SIPA1L2: variants seen among roughly 807,000 people sequenced by gnomAD.
SIPA1L2 encodes signal-induced proliferation-associated 1-like protein 2.
SIPA1L2 carries 56 observed loss-of-function variants against 163.9 expected under a neutral mutation model. The ratio of observed to expected loss-of-function variants is 0.34; its 90% CI spans 0.28 to 0.43. SIPA1L2 has a LOEUF of 0.43. SIPA1L2 is among the 20% of genes least tolerant of loss of function. The probability of loss-of-function intolerance (pLI) is 1.00; values close to 1 mark genes in which losing one functional copy is unlikely to be tolerated. For missense variants in SIPA1L2, 1,974 were observed against 2,193.5 expected, an observed-to-expected ratio of 0.90 and a Z score of 2.00; for synonymous variants, 877 against 865.7, an observed-to-expected ratio of 1.01 and a Z score of -0.23.
intron 2 of SIPA1L2, among the ~76,000 whole-genome samples, chr1:232,563,060 A>G (rs1189092137): frequency 2.0e-5 from 3 of 152,144 alleles, no homozygotes; most frequent in African/African-American, 4.8e-5. Context: ...CTGAACTGTG[A>G]GGTGGGGGAG....
chr1:232,439,377 C>A lies in SIPA1L2; in HGVS notation c.3762G>T (p.Gly1254=), dbSNP rs1662755181. 6.2e-7 allele frequency: 1 copy of A among 1,614,072 alleles called. No homozygotes were observed. Among genetic ancestry groups the A allele is most frequent in the South Asian group, 1.1e-5 (1 of 91,080 alleles). ...SGDLMDPELL[G]LTYIKGASTD... Reference sequence around the variant, plus strand: ...TGGAGGCCCCTTTGATGTAGGTCAGCCCCAGTAATTCGGGGTCCATCAGGT... The same window carrying A: ...TGGAGGCCCCTTTGATGTAGGTCAGACCCAGTAATTCGGGGTCCATCAGGT... Residue 1254 remains glycine, a synonymous_variant, in exon 15 of 23, where the codon GGG becomes GGT. Transcript: ENST00000674635.
Position 232,428,443 on chromosome 1 carries a change from C to A in SIPA1L2, c.4378G>T (p.Asp1460Tyr). ...CGCCCCTCCTCCACTAAGGGGCTGT[C>A]AGGAAGCATCAATTTCAGAAAATCT... ...KEDFLKLMLP[D>Y]SPLVEEGRRK... is the part of the protein sequence containing the mutation. Residue 1460 changes from aspartate to tyrosine, a missense_variant, in exon 17 of 23, where the codon GAC (aspartate) becomes TAC (tyrosine). Asp to Tyr is a radical substitution (Grantham distance 160). Transcript: ENST00000674635. The A allele has an allele frequency of 6.3e-7, 1 of 1,580,818 alleles. No individual in the cohort carries two copies.
chr1:232,594,720 A>G (rs1661162307), intron 1 of SIPA1L2, among the ~76,000 whole-genome samples: 1 of 152,100 alleles, frequency 6.6e-6, no homozygotes, highest in Admixed American at 6.5e-5. Context: ...AACAACCCTA[A>G]AAAGTCCTAG....
chr1:232,451,413 T>C (rs1663566008), intron 10 of SIPA1L2, among the ~76,000 whole-genome samples: 2 of 152,074 alleles, frequency 1.3e-5, no homozygotes, highest in Admixed American at 1.3e-4. Context: ...ATGTGGAGTG[T>C]CAAACTGGGG....
At chr1:232,452,021 G>A (rs1197976200) in intron 10 of SIPA1L2, among the ~76,000 whole-genome samples, 1 of 150,570 alleles carries the variant, frequency 6.6e-6, no homozygotes, top group African/African-American at 2.4e-5. Flanking sequence ...AGTTAAAAAT[G>A]TGGCATTATC....
intron 1 of SIPA1L2, among the ~76,000 whole-genome samples, chr1:232,622,378 T>G (rs1035544668): frequency 1.4e-4 from 22 of 152,244 alleles, no homozygotes; most frequent in Non-Finnish European, 2.5e-4. Context: ...GATGGGGTTT[T>G]TAAACATCAT....
chr1:232,514,986 C>G lies in SIPA1L2; in HGVS notation c.354G>C (p.Gln118His). 6.2e-7 allele frequency: 1 copy of G among 1,614,206 alleles called. No homozygotes were observed. Among genetic ancestry groups the G allele is most frequent in the Non-Finnish European group, 8.5e-7 (1 of 1,180,030 alleles). Residue 118 changes from glutamine (Q) to histidine (H), a missense_variant, in exon 3 of 23, where the codon CAG becomes CAC. Gln to His is a conservative substitution (Grantham distance 24). This residue lies in a region of SIPA1L2 where 607 missense variants were observed against 624.0 expected (regional missense o/e 0.97). Transcript: ENST00000674635. ...CTTGCTGACCTTCACTCTGGTCACT[C>G]TGCCCATTCTGCAGGACAGAAGTGA... is the stretch of plus-strand genomic sequence containing the variant. ...ESITSVLQNG[Q>H]SDQSEGQQDE...
chr1:232,465,116 G>A lies in SIPA1L2; in HGVS notation c.2544C>T (p.His848=). ...KEKVKPRKDA[H]LFSIGAIMWH... is the part of the protein sequence containing the mutation. ...ACATGATGGCCCCAATGCTAAACAAGTGGGCATCCTTCCTTGGCTTTACCT... is the reference window on the plus strand; with the variant it reads ...ACATGATGGCCCCAATGCTAAACAAATGGGCATCCTTCCTTGGCTTTACCT... The change falls in exon 9 of 23, where the codon CAC becomes CAT. Residue 848 remains histidine, a synonymous_variant. Coordinates refer to ENST00000674635, the MANE Select transcript of SIPA1L2 (RefSeq NM_020808.5). The surrounding 1 kb of genome is among the most constrained non-coding windows in gnomAD (Gnocchi z 4.1). 6.2e-7 allele frequency: 1 copy of A among 1,614,164 alleles called. No individual in the cohort carries two copies. The highest frequency in any genetic ancestry group is 2.2e-5 in the East Asian group (1 of 44,886).
At chr1:232,620,476 C>T (rs1662744560) in intron 1 of SIPA1L2, among the ~76,000 whole-genome samples, 1 of 152,204 alleles carries the variant, frequency 6.6e-6, no homozygotes, top group Non-Finnish European at 1.5e-5. Flanking sequence ...TCTCCTAGGG[C>T]CTTGTTCCTC....
At chr1:232,442,274 G>A (rs1662949007) in intron 12 of SIPA1L2, among the ~76,000 whole-genome samples, 2 of 151,640 alleles carry the variant, frequency 1.3e-5, no homozygotes, top group Admixed American at 6.6e-5. Flanking sequence ...AAAGGGCCGG[G>A]CACGGTGGCT....
At chr1:232,607,615 G>A (rs1010406456) in intron 1 of SIPA1L2, among the ~76,000 whole-genome samples, 1 of 152,066 alleles carries the variant, frequency 6.6e-6, no homozygotes, top group Non-Finnish European at 1.5e-5. Context: ...AACGAAAACT[G>A]TCCCCACTTC....
chr1:232,617,121 A>G (rs34455905), intron 1 of SIPA1L2, among the ~76,000 whole-genome samples: 3,926 of 152,374 alleles, frequency 0.026, 68 homozygotes, highest in South Asian at 0.037. Context: ...AGATAAACAG[A>G]TTTATTTCCA....
chr1:232,620,297 G>A (rs942578832), intron 1 of SIPA1L2, among the ~76,000 whole-genome samples: 1 of 152,194 alleles, frequency 6.6e-6, no homozygotes, highest in Non-Finnish European at 1.5e-5. Context: ...GAAAGCAAGT[G>A]CATATTGCCA....
At position 232,549,082 on chromosome 1, in the gene SIPA1L2, A is replaced by C. The variant is rs1181581943; in HGVS notation, c.-270+25092T>G. Among the ~76,000 whole-genome samples the C allele has an allele frequency of 2.0e-5, 3 of 152,204 alleles. No individual in the cohort carries two copies. The East Asian group carries it at 5.8e-4, about 29-fold the overall frequency. On this transcript the variant is annotated intron_variant, in intron 2 of 22. Coordinates refer to ENST00000674635, the MANE Select transcript of SIPA1L2 (RefSeq NM_020808.5). Reference sequence around the variant, plus strand: ...TCCCCTTACTGGTCAGGATTTGCACACCAAAAGGGACATGGAGCTTTCATG... The same window carrying C: ...TCCCCTTACTGGTCAGGATTTGCACCCCAAAAGGGACATGGAGCTTTCATG...
rs1249442878 is a variant in SIPA1L2, at chr1:232,515,015, T to C, written c.325A>G (p.Ser109Gly). The C allele has an allele frequency of 5.0e-6, 8 of 1,614,164 alleles. No individual in the cohort carries two copies. Among genetic ancestry groups the C allele is most frequent in the Non-Finnish European group, 5.9e-6 (7 of 1,180,024 alleles). Residue 109 changes from serine to glycine, a missense_variant, in exon 3 of 23, where the codon AGC becomes GGC. This residue lies in a region of SIPA1L2 where 607 missense variants were observed against 624.0 expected (regional missense o/e 0.97). Coordinates refer to ENST00000674635, the MANE Select transcript of SIPA1L2 (RefSeq NM_020808.5). ...CCATTCTGCAGGACAGAAGTGATGC[T>C]TTCATAACTGGTCTGAGACCGGCTT... is the stretch of plus-strand genomic sequence containing the variant. ...WESRSQTSYE[S>G]ITSVLQNGQS...
chr1:232,515,531 C>A lies in SIPA1L2; in HGVS notation c.-192G>T. 1 of 577,922 alleles carries A rather than the reference C, an allele frequency of 1.7e-6. No homozygotes were observed. The highest frequency in any genetic ancestry group is 2.9e-6 in the Non-Finnish European group (1 of 340,374). The allele number at this position is 577,922 out of a possible 1,614,324, so 35.8% of individuals were successfully genotyped here. Reference sequence around the variant, plus strand: ...CAAAGCCAACTTGCTTCTCTGTTGTCGTAATAATGTTGTACGCCTCTGTTC... The same window carrying A: ...CAAAGCCAACTTGCTTCTCTGTTGTAGTAATAATGTTGTACGCCTCTGTTC... On this transcript the variant is annotated 5_prime_UTR_variant, in exon 3 of 23. Transcript: ENST00000674635.
intron 1 of SIPA1L2, among the ~76,000 whole-genome samples, chr1:232,605,209 T>C (rs1375813950): frequency 6.6e-6 from 1 of 152,120 alleles, no homozygotes; most frequent in African/African-American, 2.4e-5. Context: ...AGACGGGGTT[T>C]CTCCATGTTG....
chr1:232,400,681 T>C (rs1660285586), intron 22 of SIPA1L2, among the ~76,000 whole-genome samples: 1 of 152,136 alleles, frequency 6.6e-6, no homozygotes, highest in Non-Finnish European at 1.5e-5. Context: ...GGTTTGCTCT[T>C]TTCTCCCCAT....
At chr1:232,503,581 C>T (rs1454512012) in intron 3 of SIPA1L2, among the ~76,000 whole-genome samples, 1 of 152,220 alleles carries the variant, frequency 6.6e-6, no homozygotes, top group Non-Finnish European at 1.5e-5. Context: ...TTTATAAGTA[C>T]ACCAAGGCCA....
Sources: gnomAD v4.1 joint callset for allele counts (sites outside exome capture counted in the v4.1 genomes callset) on GRCh38, gnomAD v4.1.1 for gene constraint, gnomAD v4.1.1 regional missense constraint, Gnocchi (gnomAD v3.1) non-coding constraint, MANE v1.5 for transcripts, NCBI Gene and HGNC (gene_info 2026-07-23, HGNC 2026-07-21) for gene names.